Variants in CAT observed in about 807,000 individuals in gnomAD.
The protein encoded by CAT is catalase, also known as epididymis secretory sperm binding protein.
In CAT, 43 loss-of-function variants were observed where a neutral mutation model predicts 59.0. The ratio of observed to expected loss-of-function variants is 0.73; its 90% CI spans 0.57 to 0.94. CAT has a LOEUF of 0.94. Ranked by LOEUF, CAT falls within the 40% of genes least tolerant of loss-of-function variation. The pLI is 0.00. For missense variants in CAT, 664 were observed against 682.9 expected (o/e 0.97, Z 0.31); for synonymous variants, 218 against 230.9 (o/e 0.94, Z 0.51).
At chr11:34,441,021 C>T (rs889162935) in intron 1 of CAT, among the ~76,000 whole-genome samples, 2 of 152,150 alleles carry the variant, frequency 1.3e-5, no homozygotes, top group African/African-American at 4.8e-5. Context: ...AATTGAAATA[C>T]AGCCATCCCC....
At chr11:34,461,827 G>A (rs1038355856) in intron 9 of CAT, among the ~76,000 whole-genome samples, 1 of 152,204 alleles carries the variant, frequency 6.6e-6, no homozygotes, top group Non-Finnish European at 1.5e-5. Context: ...TCTCTTTGCA[G>A]TTCTGCTGTG....
chr11:34,442,192 T>C (rs4756146), intron 1 of CAT, among the ~76,000 whole-genome samples: 18,253 of 152,314 alleles, frequency 0.12, 1,374 homozygotes, highest in Admixed American at 0.21. Context: ...TTTTTAAAAA[T>C]TGAATTGCTT....
At chr11:34,470,394 T>C (rs499406) in intron 11 of CAT, among the ~76,000 whole-genome samples, 108,158 of 152,058 alleles carry the variant, frequency 0.71, 40,526 homozygotes, top group East Asian at 0.97. Flanking sequence ...TTGCCAGTTG[T>C]GGGTTTTTCT....
At chr11:34,440,246 A>G (rs17881231) in intron 1 of CAT, among the ~76,000 whole-genome samples, 2,076 of 152,314 alleles carry the variant, frequency 0.014, 22 homozygotes, top group Non-Finnish European at 0.02. Context: ...TGTTTGGGAA[A>G]AGGCTGCCAT....
At chr11:34,467,700 C>G (rs1038474979) in intron 10 of CAT, among the ~76,000 whole-genome samples, 3 of 152,248 alleles carry the variant, frequency 2.0e-5, no homozygotes, top group African/African-American at 7.2e-5. Context: ...ATATCTGATA[C>G]TAAGCTCCTA....
At chr11:34,469,434 C>T (rs1477881868) in intron 11 of CAT, among the ~76,000 whole-genome samples, 1 of 152,154 alleles carries the variant, frequency 6.6e-6, no homozygotes, top group Non-Finnish European at 1.5e-5. Flanking sequence ...TTCCCAATGC[C>T]CTGCCTCCTC....
intron 1 of CAT, among the ~76,000 whole-genome samples, chr11:34,448,061 AAT>A (rs1856480307): frequency 6.6e-6 from 1 of 152,178 alleles, no homozygotes; most frequent in Non-Finnish European, 1.5e-5. Context: ...TCCTTTATTC[AAT>A]ATCTTTTTTC....
In CAT at chr11:34,455,654, G is replaced by A. The variant is rs374389417; in HGVS notation, c.712-357G>A. Reference sequence around the variant, plus strand: ...ATTACTTCATGATAAAAGGCAAGTAGTCCTTTAATTTTATTAATCTTTTGC... The same window carrying A: ...ATTACTTCATGATAAAAGGCAAGTAATCCTTTAATTTTATTAATCTTTTGC... On this transcript the variant is annotated intron_variant, in intron 6 of 12. Coordinates refer to ENST00000241052, the MANE Select transcript of CAT (RefSeq NM_001752.4). Among the ~76,000 whole-genome samples the A allele has an allele frequency of 1.4e-3, 220 of 152,126 alleles. 1 individual carries two copies. Among genetic ancestry groups the A allele is most frequent in the African/African-American group, 5.2e-3 (215 of 41,502 alleles).
intron 2 of CAT, among the ~76,000 whole-genome samples, chr11:34,449,644 T>A (rs1856499294): frequency 6.6e-6 from 1 of 152,186 alleles, no homozygotes; most frequent in South Asian, 2.1e-4. Flanking sequence ...CATCAATAGG[T>A]TCTTGGAAAC....
At chr11:34,460,982 C>T (rs1401737470) in intron 8 of CAT, 5 of 491,686 alleles carry the variant, frequency 1.0e-5, no homozygotes, top group African/African-American at 2.0e-5. Flanking sequence ...ACTTGTTATG[C>T]AGAAGGAAAA....
At chr11:34,461,779 C>T (rs1401211059) in intron 9 of CAT, among the ~76,000 whole-genome samples, 1 of 152,150 alleles carries the variant, frequency 6.6e-6, no homozygotes, top group African/African-American at 2.4e-5. Context: ...GACTTAGACC[C>T]TTGGAAGTGC....
chr11:34,449,318 G>T lies in CAT; in HGVS notation c.193G>T (p.Asp65Tyr). 1.2e-6 allele frequency: 2 copies of T among 1,614,106 alleles called. No homozygotes were observed. The highest frequency in any genetic ancestry group is 2.2e-5 in the South Asian group (2 of 91,038). Residue 65 changes from aspartate to tyrosine, a missense_variant, in exon 2 of 13, where the codon GAC becomes TAC. Transcript: ENST00000241052. ...TTTCACTGATGAAATGGCTCATTTT[G>T]ACCGAGAGAGAATTCCTGAGAGAGT... ...VVFTDEMAHF[D>Y]RERIPERVVH...
At chr11:34,440,227 A>G (rs1481116032) in intron 1 of CAT, among the ~76,000 whole-genome samples, 1 of 152,180 alleles carries the variant, frequency 6.6e-6, no homozygotes, top group Non-Finnish European at 1.5e-5. Flanking sequence ...GATTGCTTTA[A>G]TGGTTCCCTG....
chr11:34,446,740 T>TC (rs896037618), intron 1 of CAT, among the ~76,000 whole-genome samples: 10 of 138,216 alleles, frequency 7.2e-5, no homozygotes, highest in African/African-American at 1.0e-4. Context: ...TTATGGGATG[T>TC]CCCCCCCTTT....
rs373957384 is a variant in CAT, at chr11:34,468,335, T to A, written c.1374T>A (p.Arg458=). 8 of 1,614,108 alleles carry A rather than the reference T, an allele frequency of 5.0e-6. No individual in the cohort carries two copies. Among genetic ancestry groups the A allele is most frequent in the East Asian group, 4.5e-5 (2 of 44,890 alleles). ...TGCTGAATGAGGAACAGAGGAAACGTCTGTGTGAGAACATTGCCGGCCACC... is the reference window on the plus strand; with the variant it reads ...TGCTGAATGAGGAACAGAGGAAACGACTGTGTGAGAACATTGCCGGCCACC... The part of the protein sequence containing the change: ...VNVLNEEQRK[R]LCENIAGHLK... The change falls in exon 11 of 13, where the codon CGT becomes CGA. Residue 458 remains arginine (R), a synonymous_variant. Coordinates refer to ENST00000241052, the MANE Select transcript of CAT (RefSeq NM_001752.4).
At position 34,439,028 on chromosome 11, in the gene CAT, G is replaced by A. The variant is rs1248896763; in HGVS notation, c.15G>A (p.Arg5=). MADS[R]DPASDQMQHW... Reference sequence around the variant, plus strand: ...AACCGCACGCTATGGCTGACAGCCGGGATCCCGCCAGCGACCAGATGCAGC... The same window carrying A: ...AACCGCACGCTATGGCTGACAGCCGAGATCCCGCCAGCGACCAGATGCAGC... The change falls in exon 1 of 13, where the codon CGG becomes CGA. Residue 5 remains arginine (R), a synonymous_variant. Transcript: ENST00000241052. The A allele has an allele frequency of 2.5e-6, 4 of 1,596,470 alleles. No individual in the cohort carries two copies. The highest frequency in any genetic ancestry group is 3.4e-6 in the Non-Finnish European group (4 of 1,171,586).
intron 1 of CAT, among the ~76,000 whole-genome samples, chr11:34,443,113 CT>C (rs1198147599): frequency 6.6e-6 from 1 of 152,104 alleles, no homozygotes; most frequent in Non-Finnish European, 1.5e-5. Flanking sequence ...TTGGTAAATG[CT>C]TTTATCTAAG....
intron 6 of CAT, 127 bp from the exon 7 acceptor site, chr11:34,455,884 A>G (rs962815626): frequency 1.4e-6 from 1 of 726,576 alleles, no homozygotes; most frequent in African/African-American, 1.8e-5. Context: ...TGAACAATAG[A>G]AGTATTGTTG....
At chr11:34,447,783 T>C (rs187973674) in intron 1 of CAT, among the ~76,000 whole-genome samples, 275 of 152,360 alleles carry the variant, frequency 1.8e-3, no homozygotes, top group Non-Finnish European at 3.1e-3. Flanking sequence ...TTTAACTCTT[T>C]TAATTCATGT....
Sources: gnomAD v4.1 joint callset for allele counts (sites outside exome capture counted in the v4.1 genomes callset) on GRCh38, gnomAD v4.1.1 for gene constraint, MANE v1.5 for transcripts, NCBI Gene and HGNC (gene_info 2026-07-23, HGNC 2026-07-21) for gene names.